The following NOD2 variants were observed in gnomAD, a reference collection of about 807,000 sequenced individuals.
NOD2 encodes nucleotide binding oligomerization domain containing 2.
NOD2 carries 86 observed loss-of-function variants against 90.9 expected under a neutral mutation model. The observed-to-expected ratio is 0.95, with a 90% CI of 0.79 to 1.13. The LOEUF is 1.13. Among genes scored for constraint, NOD2 ranks in the 50% most tolerant of loss-of-function variants. The pLI is 0.00. For missense variants in NOD2, 1,238 were observed against 1,283.8 expected (o/e 0.96, Z 0.55); for synonymous variants, 581 against 554.6 (o/e 1.05, Z -0.67).
rs1470216948 is a variant in NOD2 at position 50,711,784 on chromosome 16, T to C, written c.1792T>C (p.Leu598=). 6.2e-7 allele frequency: 1 copy of C among 1,614,120 alleles called. No individual in the cohort carries two copies. The highest frequency in any genetic ancestry group is 2.2e-5 in the East Asian group (1 of 44,906). Residue 598 remains leucine (L), a synonymous_variant, in exon 4 of 12, where the codon TTG becomes CTG. Transcript: ENST00000647318. ...LALSADVPPA[L]LRHLFNCGRP... ...ACTCAGTGCTGATGTGCCACCAGCT[T>C]TGCTCAGACACCTCTTCAATTGTGG...
In NOD2 at chr16:50,723,294, C is replaced by A. The variant is rs1238748792; in HGVS notation, c.2718-7C>A. On this transcript the variant is annotated splice_polypyrimidine_tract_variant and splice_region_variant and intron_variant, in intron 8 of 11. Coordinates refer to ENST00000647318, the MANE Select transcript of NOD2 (RefSeq NM_001370466.1). ...CTGACATACTTTTGTTCCATGATTA[C>A]CTCCAGCCTGGTGGGGAACAACATT... is the stretch of plus-strand genomic sequence containing the variant. 1 of 1,613,312 alleles carries A rather than the reference C, an allele frequency of 6.2e-7. No individual in the cohort carries two copies. The highest frequency in any genetic ancestry group is 1.3e-5 in the African/African-American group (1 of 74,896).
At position 50,716,772 on chromosome 16, in the gene NOD2, G is replaced by A; in HGVS notation, c.2465+102G>A. The A allele has an allele frequency of 2.7e-6, 4 of 1,476,170 alleles. No individual in the cohort carries two copies. The South Asian group carries it at 4.5e-5, about 17-fold the overall frequency. 91.4% of individuals were successfully genotyped at this position (1,476,170 alleles called of 1,614,324 possible). ...TGAGTGATGGGCTGGGGCAGGGGCT[G>A]TTTGCATGATGGGGGGTGCAGGTGA... On this transcript the variant is annotated intron_variant, in intron 5 of 11. Coordinates refer to ENST00000647318, the MANE Select transcript of NOD2 (RefSeq NM_001370466.1).
intron 5 of NOD2, 107 bp downstream of exon 5, chr16:50,716,777 C>A: frequency 6.8e-7 from 1 of 1,465,210 alleles, no homozygotes; most frequent in Non-Finnish European, 9.6e-7. Flanking sequence ...GGGCTGTTTG[C>A]ATGATGGGGG....
Position 50,732,083 on chromosome 16 carries a change from C to T in NOD2, c.*264C>T, listed in dbSNP as rs547767004. The T allele has an allele frequency of 6.0e-6, 3 of 497,726 alleles. No homozygotes were observed. Among genetic ancestry groups the T allele is most frequent in the South Asian group, 3.9e-5 (2 of 50,774 alleles). The allele number at this position is 497,726 out of a possible 1,614,324, so 30.8% of individuals were successfully genotyped here. On this transcript the variant is annotated 3_prime_UTR_variant, in exon 12 of 12. Transcript: ENST00000647318. ...CAATCCCAGGATGTACAAGGACAGC[C>T]CCTCCTCCATAGTATGGGACTGGCC... is the stretch of plus-strand genomic sequence containing the variant.
intron 1 of NOD2, chr16:50,697,514 T>G (rs1395018552): frequency 4.5e-6 from 3 of 662,710 alleles, no homozygotes; most frequent in Non-Finnish European, 8.2e-6. Flanking sequence ...TGTCGCATCC[T>G]TGGCTGGTGT....
Position 50,698,155 on chromosome 16 carries a change from G to A in NOD2, c.-8-1333G>A, listed in dbSNP as rs769912517. The A allele has an allele frequency of 2.4e-4, 36 of 152,326 alleles. 1 individual carries two copies. The highest frequency in any genetic ancestry group is 3.1e-4 in the Non-Finnish European group (21 of 68,114). 9.4% of individuals were successfully genotyped at this position (152,326 alleles called of 1,614,324 possible). A position where few individuals can be genotyped will look rare whatever the true frequency, so the allele number is the denominator to read the frequency against. On this transcript the variant is annotated intron_variant, in intron 1 of 11. Coordinates refer to ENST00000647318, the MANE Select transcript of NOD2 (RefSeq NM_001370466.1). Reference sequence around the variant, plus strand: ...TCCATGCCTACACCCTTTCACTTTCGTTTCTTCGGGGCACTGCAGCAGCCC... The same window carrying A: ...TCCATGCCTACACCCTTTCACTTTCATTTCTTCGGGGCACTGCAGCAGCCC...
intron 7 of NOD2, among the ~76,000 whole-genome samples, chr16:50,720,839 C>G (rs1436771187): frequency 6.6e-6 from 1 of 151,770 alleles, no homozygotes; most frequent in Non-Finnish European, 1.5e-5. Context: ...TAGTCTCACT[C>G]TGTTGCCCAG....
chr16:50,725,030 C>T (rs1965215039), intron 9 of NOD2, among the ~76,000 whole-genome samples: 1 of 152,178 alleles, frequency 6.6e-6, no homozygotes, highest in African/African-American at 2.4e-5. Context: ...ATCTATATAC[C>T]CAGGAAAGCC....
intron 2 of NOD2, among the ~76,000 whole-genome samples, chr16:50,703,993 A>G (rs867361934): frequency 2.6e-5 from 4 of 152,242 alleles, no homozygotes; most frequent in South Asian, 2.1e-4. Context: ...ATTATAGCTC[A>G]CAGGAATGGG....
intron 1 of NOD2, 67 bp from the exon 2 acceptor site, chr16:50,699,421 G>A: frequency 7.2e-7 from 1 of 1,396,180 alleles, no homozygotes; most frequent in Non-Finnish European, 1.0e-6. Context: ...ACTTGCCCTG[G>A]CCTTCCCTGA....
At chr16:50,710,447 G>A in intron 3 of NOD2, 111 bp from the exon 4 acceptor site, 7 of 1,478,884 alleles carry the variant, frequency 4.7e-6, no homozygotes, top group Non-Finnish European at 2.8e-6. Flanking sequence ...GCGCCCGCTG[G>A]CTCTCCTATC....
rs762053317 is a variant in NOD2, at chr16:50,710,889, CTT to C, written c.899_900del (p.Phe300CysfsTer24). The C allele has an allele frequency of 1.2e-6, 2 of 1,614,178 alleles. No homozygotes were observed. Among genetic ancestry groups the C allele is most frequent in the Non-Finnish European group, 1.7e-6 (2 of 1,180,034 alleles). On this transcript the variant is annotated frameshift_variant, in exon 4 of 12. Coordinates refer to ENST00000647318, the MANE Select transcript of NOD2 (RefSeq NM_001370466.1). LOFTEE classifies it high-confidence loss of function. Reference protein sequence around the residue: ...AAGQDFQEFLFVFPFSCRQLQ... With the variant: ...AAGQDFQEFLXVFPFSCRQLQ... ...CAGGGCAAGACTTCCAGGAATTTCTCTTTGTCTTCCCATTCAGCTGCCGGCAG... is the reference window on the plus strand; with the variant it reads ...CAGGGCAAGACTTCCAGGAATTTCTCTGTCTTCCCATTCAGCTGCCGGCAG...
chr16:50,715,848 A>C (rs1964768044), intron 4 of NOD2: 1 of 152,506 alleles, frequency 6.6e-6, no homozygotes, highest in Non-Finnish European at 1.5e-5. Flanking sequence ...GTTTGCCTAA[A>C]GATAAAGAAT....
chr16:50,699,430 G>T, intron 1 of NOD2, 58 bp from the exon 2 acceptor site: 2 of 1,514,508 alleles, frequency 1.3e-6, no homozygotes, highest in South Asian at 2.3e-5. Context: ...GGCCTTCCCT[G>T]ACCACCCTGC....
rs369413188 is a variant in NOD2, at chr16:50,716,069, G to C, written c.2382-518G>C. On this transcript the variant is annotated intron_variant, in intron 4 of 11. Coordinates refer to ENST00000647318, the MANE Select transcript of NOD2 (RefSeq NM_001370466.1). ...TAGCCTGTTGGAGTGGTGCCATTGG[G>C]GTTAAGGACTGGGCAGCAGGGCCTC... 6.0e-4 allele frequency among the ~76,000 whole-genome samples: 91 copies of C among 152,258 alleles called. 1 individual carries two copies. The highest frequency in any genetic ancestry group is 2.2e-3 in the African/African-American group (90 of 41,546).
At chr16:50,716,429 G>C (rs1394552680) in intron 4 of NOD2, among the ~76,000 whole-genome samples, 158 bp from the exon 5 acceptor site, 1 of 152,156 alleles carries the variant, frequency 6.6e-6, no homozygotes, top group Non-Finnish European at 1.5e-5. Context: ...AGGGACCGTG[G>C]GGTCTCCACT....
At chr16:50,722,806 A>T in intron 8 of NOD2, 101 bp downstream of exon 8, 1 of 1,070,122 alleles carries the variant, frequency 9.3e-7, no homozygotes, top group Non-Finnish European at 1.5e-6. Context: ...TTTCTACCCC[A>T]CAATGTTAGG....
intron 1 of NOD2, among the ~76,000 whole-genome samples, chr16:50,698,728 A>G (rs914050845): frequency 1.3e-5 from 2 of 152,198 alleles, no homozygotes; most frequent in Non-Finnish European, 1.5e-5. Context: ...GCACTACTTC[A>G]GAGTGGCTGG....
chr16:50,708,703 G>A (rs1017689110), intron 3 of NOD2, among the ~76,000 whole-genome samples: 1 of 152,202 alleles, frequency 6.6e-6, no homozygotes, highest in Non-Finnish European at 1.5e-5. Flanking sequence ...CCACTGTAGG[G>A]AAAGCTCATT....
Sources: allele counts gnomAD v4.1 joint callset (sites outside exome capture counted in the v4.1 genomes callset), GRCh38; gene constraint gnomAD v4.1.1; transcripts MANE v1.5; gene names NCBI Gene and HGNC (gene_info 2026-07-23, HGNC 2026-07-21).